EEFSEC: variants seen among roughly 807,000 people sequenced by gnomAD.
EEFSEC encodes selenocysteine-specific elongation factor.
Under a neutral mutation model 42.1 loss-of-function variants are expected in EEFSEC, and 43 were observed. That is an observed-to-expected ratio of 1.02 (90% CI 0.80 to 1.32). The LOEUF (loss-of-function observed/expected upper bound fraction) is 1.32. Ranked by LOEUF, EEFSEC falls within the 40% of genes most tolerant of loss-of-function variation. The pLI is 0.00. For missense variants in EEFSEC, 745 were observed against 803.6 expected, an observed-to-expected ratio of 0.93 and a Z score of 0.88; for synonymous variants, 354 against 339.1, an observed-to-expected ratio of 1.04 and a Z score of -0.48.
chr3:128,174,745 A>G (rs769395236), intron 1 of EEFSEC, among the ~76,000 whole-genome samples: 1 of 152,212 alleles, frequency 6.6e-6, no homozygotes, highest in Non-Finnish European at 1.5e-5. Flanking sequence ...TACAGTTAGC[A>G]TCATTCTGGG....
At position 128,402,298 on chromosome 3, in the gene EEFSEC, T is replaced by C. The variant is rs2068057251; in HGVS notation, c.1601-5771T>C. Among the ~76,000 whole-genome samples, 6 of 152,390 alleles carry C rather than the reference T, an allele frequency of 3.9e-5. No individual in the cohort carries two copies. The South Asian group carries it at 1.2e-3, about 32-fold the overall frequency. Reference sequence around the variant, plus strand: ...GAATTCTTCCAAAAATTTTGATTGCTGCATTTTTTTTGAATCAGCATTATA... The same window carrying C: ...GAATTCTTCCAAAAATTTTGATTGCCGCATTTTTTTTGAATCAGCATTATA... On this transcript the variant is annotated intron_variant, in intron 6 of 6. Coordinates refer to ENST00000254730, the MANE Select transcript of EEFSEC (RefSeq NM_021937.5).
intron 1 of EEFSEC, among the ~76,000 whole-genome samples, chr3:128,244,102 A>G (rs1389316947): frequency 6.6e-6 from 1 of 152,172 alleles, no homozygotes; most frequent in Non-Finnish European, 1.5e-5. Flanking sequence ...CTGTGGGGCC[A>G]GTGCAGGATC....
At chr3:128,369,457 G>A (rs1302742374) in intron 6 of EEFSEC, among the ~76,000 whole-genome samples, 5 of 152,174 alleles carry the variant, frequency 3.3e-5, no homozygotes, top group Non-Finnish European at 5.9e-5. Flanking sequence ...ACCTGTCCTT[G>A]GGATTTCATT....
At chr3:128,195,724 T>G (rs2065577676) in intron 1 of EEFSEC, among the ~76,000 whole-genome samples, 1 of 152,184 alleles carries the variant, frequency 6.6e-6, no homozygotes, top group African/African-American at 2.4e-5. Flanking sequence ...ATAATATCCT[T>G]GGAAGATAGG....
chr3:128,284,096 C>T (rs552553805), intron 4 of EEFSEC, among the ~76,000 whole-genome samples: 5 of 152,274 alleles, frequency 3.3e-5, no homozygotes, highest in East Asian at 1.9e-4. Context: ...GTCATACCAC[C>T]GTGCTGCTGT....
intron 1 of EEFSEC, among the ~76,000 whole-genome samples, chr3:128,215,507 G>A (rs2065802639): frequency 6.6e-6 from 1 of 152,188 alleles, no homozygotes. Context: ...ATGAGATGAT[G>A]CACATGAGTA....
At chr3:128,177,369 C>G (rs966256889) in intron 1 of EEFSEC, among the ~76,000 whole-genome samples, 1 of 151,908 alleles carries the variant, frequency 6.6e-6, no homozygotes, top group African/African-American at 2.4e-5. Context: ...GGGGTGTCCT[C>G]CTTTCAATTG....
chr3:128,271,728 G>A (rs1054674607), intron 4 of EEFSEC, among the ~76,000 whole-genome samples: 24 of 152,008 alleles, frequency 1.6e-4, no homozygotes, highest in African/African-American at 5.6e-4. Flanking sequence ...TCAAACTCCC[G>A]GGCCCTGCAG....
downstream of EEFSEC, among the ~76,000 whole-genome samples, chr3:128,413,241 A>AACTTGAGAGGAGAGGTACGTTC: frequency 1.3e-5 from 2 of 152,164 alleles, no homozygotes; most frequent in South Asian, 4.1e-4. Context: ...AGAGAGGTGA[A>AACTTGAGAGGAGAGGTACGTTC]ACTTGAGAGG....
chr3:128,420,980 C>T, the EEFSEC span, among the ~76,000 whole-genome samples: 1 of 152,186 alleles, frequency 6.6e-6, no homozygotes, highest in Non-Finnish European at 1.5e-5. Context: ...TCTCAGGCCT[C>T]ACAGAGGCCT....
the EEFSEC span, among the ~76,000 whole-genome samples, chr3:128,419,868 T>A: frequency 6.6e-6 from 1 of 152,100 alleles, no homozygotes; most frequent in Non-Finnish European, 1.5e-5. Flanking sequence ...AGAGACAGAT[T>A]GCAGGAGGAG....
chr3:128,411,766 A>C (rs531678312), downstream of EEFSEC, among the ~76,000 whole-genome samples: 1 of 152,220 alleles, frequency 6.6e-6, no homozygotes, highest in Non-Finnish European at 1.5e-5. Flanking sequence ...CTGGGTTAAT[A>C]TATTTTCAAT....
At chr3:128,245,461 C>G (rs1170657721) in intron 1 of EEFSEC, among the ~76,000 whole-genome samples, 1 of 152,208 alleles carries the variant, frequency 6.6e-6, no homozygotes, top group Non-Finnish European at 1.5e-5. Context: ...TGCACCTGAG[C>G]CTAGCCCTGT....
At chr3:128,240,159 C>G (rs2066055257) in intron 1 of EEFSEC, among the ~76,000 whole-genome samples, 1 of 152,244 alleles carries the variant, frequency 6.6e-6, no homozygotes, top group Non-Finnish European at 1.5e-5. Context: ...CCTTCCCCAA[C>G]TCCATCAGCA....
intron 2 of EEFSEC, among the ~76,000 whole-genome samples, chr3:128,257,480 C>T (rs1291322236): frequency 1.3e-5 from 2 of 152,156 alleles, no homozygotes; most frequent in Admixed American, 6.5e-5. Context: ...AAACCACTCC[C>T]GAATGCAGTG....
chr3:128,354,707 A>G (rs1042088912), intron 5 of EEFSEC, among the ~76,000 whole-genome samples: 3 of 152,230 alleles, frequency 2.0e-5, no homozygotes, highest in Non-Finnish European at 4.4e-5. Flanking sequence ...GGCTTGGAGA[A>G]AGATAGATCC....
chr3:128,201,315 T>A (rs1210104674), intron 1 of EEFSEC, among the ~76,000 whole-genome samples: 1 of 151,666 alleles, frequency 6.6e-6, no homozygotes, highest in Admixed American at 6.6e-5. Context: ...TGAGTACACA[T>A]ACAGGATGGG....
intron 6 of EEFSEC, among the ~76,000 whole-genome samples, chr3:128,360,217 C>T (rs1046097887): frequency 5.3e-5 from 8 of 152,240 alleles, no homozygotes; most frequent in South Asian, 2.1e-4. Context: ...CTTTGTGCAT[C>T]GCTTCAGTTT....
intron 6 of EEFSEC, among the ~76,000 whole-genome samples, chr3:128,382,442 T>A (rs1288628039): frequency 1.3e-5 from 2 of 152,184 alleles, no homozygotes; most frequent in Admixed American, 1.3e-4. Context: ...TACGTCTATG[T>A]GTGTCCATGT....
Sources: gnomAD v4.1 joint callset for allele counts (sites outside exome capture counted in the v4.1 genomes callset) on GRCh38, gnomAD v4.1.1 for gene constraint, MANE v1.5 for transcripts, NCBI Gene and HGNC (gene_info 2026-07-23, HGNC 2026-07-21) for gene names.